NPFFR2: variants seen among roughly 807,000 people sequenced by gnomAD.
The protein encoded by NPFFR2 is neuropeptide FF receptor 2.
NPFFR2 carries 15 observed loss-of-function variants against 13.1 expected under a neutral mutation model. That is an observed-to-expected ratio of 1.15 (90% CI 0.77 to 1.76). The LOEUF (loss-of-function observed/expected upper bound fraction) is 1.76. NPFFR2 is among the 40% of genes most tolerant of loss of function. The pLI is 0.00. For synonymous variants in NPFFR2, 190 were observed against 175.7 expected, an observed-to-expected ratio of 1.08 and a Z score of -0.65; for missense variants, 572 against 503.5, an observed-to-expected ratio of 1.14 and a Z score of -1.30.
chr4:72,119,057 A>G (rs1721792796), intron 1 of NPFFR2, among the ~76,000 whole-genome samples: 2 of 152,172 alleles, frequency 1.3e-5, no homozygotes, highest in Admixed American at 1.3e-4. Flanking sequence ...TCAGAAAAAA[A>G]ATAATCGGTA....
chr4:72,062,864 C>G (rs1363686172), intron 1 of NPFFR2, among the ~76,000 whole-genome samples: 2 of 152,148 alleles, frequency 1.3e-5, no homozygotes, highest in Non-Finnish European at 2.9e-5. Context: ...GCAAAGCCAG[C>G]CTATAGCTGA....
intron 1 of NPFFR2, among the ~76,000 whole-genome samples, chr4:72,117,299 T>C (rs1263571250): frequency 6.6e-6 from 1 of 152,228 alleles, no homozygotes; most frequent in African/African-American, 2.4e-5. Context: ...CTTTTTAACC[T>C]TCCTAATTAT....
Position 72,128,659 on chromosome 4 carries a change from A to G in NPFFR2, c.68A>G (p.Lys23Arg). The G allele has an allele frequency of 6.2e-7, 1 of 1,613,922 alleles. No individual in the cohort carries two copies. The highest frequency in any genetic ancestry group is 8.5e-7 in the Non-Finnish European group (1 of 1,179,798). The change falls in exon 2 of 4, where the codon AAG becomes AGG. Residue 23 changes from lysine to arginine, a missense_variant. By Grantham distance (26) the Lys-to-Arg change is conservative (BLOSUM62 2). Transcript: ENST00000308744. ...WHPIWNVNDT[K>R]HHLYSDINIT... ...CCCATCTGGAATGTCAATGACACAA[A>G]GCATCATCTGTACTCAGATATTAAT...
At chr4:72,116,261 TTACTA>T (rs1193475151) in intron 1 of NPFFR2, among the ~76,000 whole-genome samples, 10 of 152,132 alleles carry the variant, frequency 6.6e-5, no homozygotes, top group Non-Finnish European at 1.0e-4. Context: ...TATTTGAAAT[TTACTA>T]TACTATTAAG....
chr4:72,045,565 T>C (rs1719353257), intron 1 of NPFFR2, among the ~76,000 whole-genome samples: 2 of 152,166 alleles, frequency 1.3e-5, no homozygotes, highest in Admixed American at 6.5e-5. Flanking sequence ...GTTGAAAATA[T>C]TGCAATTCCC....
In NPFFR2 at chr4:72,062,252, A is replaced by G. The variant is rs546065674; in HGVS notation, c.-8+30052A>G. 3.9e-5 allele frequency among the ~76,000 whole-genome samples: 6 copies of G among 152,228 alleles called. No individual in the cohort carries two copies. The East Asian group carries it at 7.7e-4, about 20-fold the overall frequency. ...CTCAAGGTAGTATACTTAAGTCATT[A>G]TATTTTACTTTTTCATGAAGGCCAA... On this transcript the variant is annotated intron_variant, in intron 1 of 3. Coordinates refer to ENST00000308744, the MANE Select transcript of NPFFR2 (RefSeq NM_004885.3).
At chr4:72,098,820 A>G (rs28708444) in intron 1 of NPFFR2, among the ~76,000 whole-genome samples, 4,413 of 152,106 alleles carry the variant, frequency 0.029, 171 homozygotes, top group African/African-American at 0.09. Context: ...ATTACAATAT[A>G]CCGTTCCATG....
chr4:72,138,310 G>A (rs1255886818), intron 3 of NPFFR2, among the ~76,000 whole-genome samples, 171 bp downstream of exon 3: 3 of 152,040 alleles, frequency 2.0e-5, no homozygotes, highest in East Asian at 1.9e-4. Context: ...TGTGCACAAC[G>A]TGCAGGTTTC....
At chr4:72,133,305 G>T (rs892167672) in intron 2 of NPFFR2, among the ~76,000 whole-genome samples, 4 of 151,986 alleles carry the variant, frequency 2.6e-5, no homozygotes, top group Non-Finnish European at 4.4e-5. Context: ...TTTGTTGAAG[G>T]TTAGATATTT....
At chr4:72,132,500 C>T (rs933404059) in intron 2 of NPFFR2, among the ~76,000 whole-genome samples, 1 of 152,170 alleles carries the variant, frequency 6.6e-6, no homozygotes, top group Non-Finnish European at 1.5e-5. Context: ...TTATATTCCT[C>T]TGGGTATATA....
chr4:72,078,903 G>T (rs2109790924), intron 1 of NPFFR2, among the ~76,000 whole-genome samples: 1 of 152,200 alleles, frequency 6.6e-6, no homozygotes, highest in East Asian at 1.9e-4. Context: ...ATGAAGAATA[G>T]ATTAGTGGTT....
chr4:72,078,500 G>A (rs779165326), intron 1 of NPFFR2, among the ~76,000 whole-genome samples: 29 of 152,108 alleles, frequency 1.9e-4, no homozygotes, highest in Non-Finnish European at 3.7e-4. Context: ...TGGATCTGTA[G>A]AATATTGTAA....
intron 3 of NPFFR2, among the ~76,000 whole-genome samples, chr4:72,143,991 A>G (rs551101985): frequency 1.3e-5 from 2 of 152,316 alleles, no homozygotes; most frequent in African/African-American, 2.4e-5. Context: ...ATCTATTGAT[A>G]TATAATGAAC....
chr4:72,094,800 C>G (rs1721014275), intron 1 of NPFFR2, among the ~76,000 whole-genome samples: 1 of 152,206 alleles, frequency 6.6e-6, no homozygotes, highest in African/African-American at 2.4e-5. Context: ...CCTGCAGCAA[C>G]AATCCATCCA....
chr4:72,110,351 T>G (rs1243167006), intron 1 of NPFFR2, among the ~76,000 whole-genome samples: 2 of 151,994 alleles, frequency 1.3e-5, no homozygotes, highest in African/African-American at 2.4e-5. Flanking sequence ...TTAAACCTCT[T>G]TCCTTTATAA....
chr4:72,095,479 C>G (rs533308170), intron 1 of NPFFR2, among the ~76,000 whole-genome samples: 1 of 152,018 alleles, frequency 6.6e-6, no homozygotes, highest in Non-Finnish European at 1.5e-5. Flanking sequence ...TCACTATGAA[C>G]AGATATAGAA....
At chr4:72,131,134 T>C (rs1342582913) in intron 2 of NPFFR2, among the ~76,000 whole-genome samples, 1 of 151,532 alleles carries the variant, frequency 6.6e-6, no homozygotes, top group Non-Finnish European at 1.5e-5. Context: ...GAACCTGGGG[T>C]TTTTATAGGT....
At chr4:72,142,497 AC>A (rs1453503226) in intron 3 of NPFFR2, among the ~76,000 whole-genome samples, 1 of 152,028 alleles carries the variant, frequency 6.6e-6, no homozygotes, top group Non-Finnish European at 1.5e-5. Flanking sequence ...TGCAGAAATA[AC>A]CCATCTTCTG....
At chr4:72,115,046 C>T (rs1721671800) in intron 1 of NPFFR2, among the ~76,000 whole-genome samples, 2 of 152,014 alleles carry the variant, frequency 1.3e-5, no homozygotes, top group Admixed American at 1.3e-4. Context: ...ATATATTTTG[C>T]CATTATTAAG....
Sources: allele counts gnomAD v4.1 joint callset (sites outside exome capture counted in the v4.1 genomes callset), GRCh38; gene constraint gnomAD v4.1.1; transcripts MANE v1.5; gene names NCBI Gene and HGNC (gene_info 2026-07-23, HGNC 2026-07-21).